Variants in ERBB4 observed in about 807,000 individuals in gnomAD.
ERBB4 encodes erb-b2 receptor tyrosine kinase 4.
Under a neutral mutation model 158.0 loss-of-function variants are expected in ERBB4, and 42 were observed. The observed-to-expected ratio is 0.27, with a 90% CI of 0.21 to 0.34. The LOEUF (loss-of-function observed/expected upper bound fraction) is 0.34, where lower values mean the gene tolerates loss of function less well. Among genes scored for constraint, ERBB4 ranks in the 10% least tolerant of loss-of-function variants. ERBB4 has a pLI of 1.00. For synonymous variants in ERBB4, 583 were observed against 558.7 expected (o/e 1.04, Z -0.61); for missense variants, 1,333 against 1,624.1 (o/e 0.82, Z 3.08).
intron 1 of ERBB4, among the ~76,000 whole-genome samples, chr2:212,359,427 C>A (rs2089597793): frequency 6.6e-6 from 1 of 151,138 alleles, no homozygotes; most frequent in African/African-American, 2.4e-5. Context: ...GAAAATCAAC[C>A]AATAAAATCT....
At position 211,722,434 on chromosome 2, in the gene ERBB4, G is replaced by C; in HGVS notation, c.842C>G (p.Ala281Gly). 6.2e-7 allele frequency: 1 copy of C among 1,613,728 alleles called. No individual in the cohort carries two copies. The highest frequency in any genetic ancestry group is 8.5e-7 in the Non-Finnish European group (1 of 1,179,674). ...ACAGAATGCTCCATATGTGTACTTT[G>C]CATTGAAATTGTGCTCCAGTTGAAA... ...TTFQLEHNFN[A>G]KYTYGAFCVK... Residue 281 changes from alanine (A) to glycine (G), a missense_variant, in exon 7 of 28, where the codon GCA becomes GGA. Ala to Gly is a moderately conservative substitution (Grantham distance 60). Around this residue, in one of 5 missense-constraint regions of ERBB4, gnomAD observed 438 missense variants for 586.9 expected, o/e 0.75. Coordinates refer to ENST00000342788, the MANE Select transcript of ERBB4 (RefSeq NM_005235.3).
At chr2:211,917,774 C>T (rs2079740573) in intron 3 of ERBB4, among the ~76,000 whole-genome samples, 2 of 152,158 alleles carry the variant, frequency 1.3e-5, no homozygotes, top group Admixed American at 1.3e-4. Flanking sequence ...TTCTGGATGA[C>T]ATTTGATTGC....
chr2:211,828,990 G>T (rs572339421), intron 3 of ERBB4, among the ~76,000 whole-genome samples: 128 of 152,246 alleles, frequency 8.4e-4, no homozygotes, highest in African/African-American at 2.8e-3. Context: ...TTTATTGAGA[G>T]AAACTCAGTT....
chr2:212,507,210 G>GA (rs537942260), intron 1 of ERBB4, among the ~76,000 whole-genome samples: 3,648 of 137,418 alleles, frequency 0.027, 89 homozygotes, highest in South Asian at 0.092. Flanking sequence ...CTATTGCTCA[G>GA]AAAAAAAAAA....
chr2:212,110,959 G>A lies in ERBB4; in HGVS notation c.234+13793C>T, dbSNP rs549857726. On this transcript the variant is annotated intron_variant, in intron 2 of 27. Transcript: ENST00000342788. ...TAACACTTTCATTCTCTGGCCACCC[G>A]CCTACCTGACACTTGAATGAGCCCT... Among the ~76,000 whole-genome samples the A allele has an allele frequency of 3.3e-5, 5 of 152,250 alleles. No individual in the cohort carries two copies. In the South Asian group the frequency reaches 8.3e-4, roughly 25 times the overall value.
intron 19 of ERBB4, among the ~76,000 whole-genome samples, chr2:211,568,759 G>T (rs1356819980): frequency 6.6e-6 from 1 of 152,074 alleles, no homozygotes. Context: ...GCAGATTTGT[G>T]AGCGCTTGAA....
At chr2:211,807,868 G>C (rs1394371283) in intron 3 of ERBB4, among the ~76,000 whole-genome samples, 6 of 152,134 alleles carry the variant, frequency 3.9e-5, no homozygotes, top group Non-Finnish European at 4.4e-5. Context: ...GCATTTCTCT[G>C]ATGGCCAGTG....
chr2:211,792,193 G>A (rs1575154910), intron 3 of ERBB4, among the ~76,000 whole-genome samples: 1 of 151,648 alleles, frequency 6.6e-6, no homozygotes, highest in Non-Finnish European at 1.5e-5. Context: ...AAGTAAGAAT[G>A]AAAGTTATCG....
At chr2:211,706,873 C>T (rs1273027117) in intron 9 of ERBB4, among the ~76,000 whole-genome samples, 1 of 151,978 alleles carries the variant, frequency 6.6e-6, no homozygotes, top group Non-Finnish European at 1.5e-5. Context: ...TATTTACAAG[C>T]AAAGATATAT....
intron 3 of ERBB4, among the ~76,000 whole-genome samples, chr2:211,916,918 A>T (rs1222332631): frequency 6.6e-6 from 1 of 152,184 alleles, no homozygotes; most frequent in Non-Finnish European, 1.5e-5. Context: ...TAGACTGCTA[A>T]GAGGAATCTG....
chr2:212,005,526 T>A (rs1020402548), intron 2 of ERBB4, among the ~76,000 whole-genome samples: 2 of 152,166 alleles, frequency 1.3e-5, no homozygotes, highest in Non-Finnish European at 2.9e-5. Flanking sequence ...GAAGGCTTTC[T>A]GGAGGAGGTG....
chr2:211,605,930 A>T (rs2068963750), intron 19 of ERBB4, among the ~76,000 whole-genome samples: 1 of 152,052 alleles, frequency 6.6e-6, no homozygotes, highest in Admixed American at 6.6e-5. Context: ...CAAGATTCTA[A>T]ATTCAGTATT....
intron 20 of ERBB4, among the ~76,000 whole-genome samples, chr2:211,465,583 G>C (rs1021739980): frequency 6.6e-6 from 1 of 152,010 alleles, no homozygotes; most frequent in Admixed American, 6.6e-5. Flanking sequence ...CTAAATGACA[G>C]TTAGTACATA....
intron 4 of ERBB4, among the ~76,000 whole-genome samples, chr2:211,753,205 T>A (rs1013078726): frequency 1.3e-5 from 2 of 152,064 alleles, no homozygotes; most frequent in African/African-American, 4.8e-5. Context: ...TTTATGCCTG[T>A]AACCTTAGTT....
intron 20 of ERBB4, among the ~76,000 whole-genome samples, chr2:211,473,580 T>C (rs2064882941): frequency 6.6e-6 from 1 of 152,058 alleles, no homozygotes; most frequent in Non-Finnish European, 1.5e-5. Context: ...TCAAAACTTT[T>C]TCCTTTTCCC....
chr2:212,344,528 A>G (rs534062324), intron 1 of ERBB4, among the ~76,000 whole-genome samples: 8 of 152,136 alleles, frequency 5.3e-5, no homozygotes, highest in Non-Finnish European at 7.4e-5. Flanking sequence ...GTATGTGTGT[A>G]TATATATACA....
At chr2:212,370,432 C>A (rs2090045858) in intron 1 of ERBB4, among the ~76,000 whole-genome samples, 2 of 152,040 alleles carry the variant, frequency 1.3e-5, no homozygotes, top group South Asian at 2.1e-4. Flanking sequence ...AAGGCACCAG[C>A]CAAAAATCTA....
At chr2:212,110,029 G>A (rs994357595) in intron 2 of ERBB4, among the ~76,000 whole-genome samples, 1 of 152,090 alleles carries the variant, frequency 6.6e-6, no homozygotes, top group Admixed American at 6.5e-5. Context: ...TCTGTGCCTC[G>A]TTGCCCTCAT....
chr2:211,542,365 G>A (rs1447284435), intron 20 of ERBB4, among the ~76,000 whole-genome samples: 1 of 151,916 alleles, frequency 6.6e-6, no homozygotes, highest in East Asian at 1.9e-4. Context: ...GAGTGGAAGA[G>A]GAGGAGAAAG....
Sources: gnomAD v4.1 joint callset for allele counts (sites outside exome capture counted in the v4.1 genomes callset) on GRCh38, gnomAD v4.1.1 for gene constraint, gnomAD v4.1.1 regional missense constraint, MANE v1.5 for transcripts, NCBI Gene and HGNC (gene_info 2026-07-23, HGNC 2026-07-21) for gene names.